The following COL21A1 variants were observed in gnomAD, a reference collection of about 807,000 sequenced individuals.
The protein encoded by COL21A1 is collagen alpha-1(XXI) chain.
A neutral mutation model predicts 137.9 loss-of-function variants in COL21A1; 149 were observed. The ratio of observed to expected loss-of-function variants is 1.08; its 90% CI spans 0.95 to 1.24. The LOEUF is 1.24. Among genes scored for constraint, COL21A1 ranks in the 50% most tolerant of loss-of-function variants. The pLI, the probability that COL21A1 is intolerant of heterozygous loss-of-function variation, is 0.00. For missense variants in COL21A1, 1,167 were observed against 1,158.4 expected (o/e 1.01, Z -0.11); for synonymous variants, 456 against 391.5 (o/e 1.16, Z -1.95).
intron 1 of COL21A1, among the ~76,000 whole-genome samples, chr6:56,350,007 A>G (rs1765674958): frequency 6.6e-6 from 1 of 152,192 alleles, no homozygotes; most frequent in South Asian, 2.1e-4. Context: ...TCTGTAGCAG[A>G]CAGAGCAGTG....
intron 3 of COL21A1, among the ~76,000 whole-genome samples, chr6:56,172,252 G>A (rs191243665): frequency 4.1e-4 from 63 of 152,096 alleles, no homozygotes; most frequent in Admixed American, 3.7e-3. Flanking sequence ...AAAGTTAAAG[G>A]CAAAGATCAC....
intron 1 of COL21A1, among the ~76,000 whole-genome samples, chr6:56,357,911 C>A (rs1454240642): frequency 1.3e-5 from 2 of 152,114 alleles, no homozygotes; most frequent in African/African-American, 4.8e-5. Context: ...CTCAACAATT[C>A]TGAGTCAGAG....
intron 1 of COL21A1, among the ~76,000 whole-genome samples, chr6:56,385,018 T>C (rs2152352660): frequency 6.6e-6 from 1 of 152,178 alleles, no homozygotes; most frequent in Non-Finnish European, 1.5e-5. Flanking sequence ...AGAGGAGCAG[T>C]CTCAACTGAG....
chr6:56,098,568 T>TATATATAA (rs1769990383), intron 17 of COL21A1, among the ~76,000 whole-genome samples: 1 of 14,678 alleles, frequency 6.8e-5, no homozygotes, highest in African/African-American at 3.0e-4. Flanking sequence ...AATATATAAA[T>TATATATAA]ATATATAAAT....
chr6:56,224,298 C>T (rs1451156187), intron 1 of COL21A1, among the ~76,000 whole-genome samples: 1 of 152,084 alleles, frequency 6.6e-6, no homozygotes, highest in Non-Finnish European at 1.5e-5. Context: ...AGTTAGCTTG[C>T]AAGTAGGGTA....
At chr6:56,387,913 A>C (rs1167209102) in intron 1 of COL21A1, among the ~76,000 whole-genome samples, 1 of 152,176 alleles carries the variant, frequency 6.6e-6, no homozygotes, top group Non-Finnish European at 1.5e-5. Context: ...CCTGGGGTAC[A>C]CATGACCCAG....
chr6:56,234,955 G>T (rs894497103), intron 1 of COL21A1, among the ~76,000 whole-genome samples: 11 of 151,606 alleles, frequency 7.3e-5, no homozygotes, highest in African/African-American at 2.7e-4. Context: ...TCCACTCAAG[G>T]ACTTCAGTTC....
At chr6:56,393,323 T>A (rs1169620527) in intron 1 of COL21A1, among the ~76,000 whole-genome samples, 1 of 152,178 alleles carries the variant, frequency 6.6e-6, no homozygotes, top group Non-Finnish European at 1.5e-5. Flanking sequence ...TGACCCCATC[T>A]CTTTCGATGT....
intron 3 of COL21A1, among the ~76,000 whole-genome samples, chr6:56,177,909 GAC>G (rs1276026450): frequency 6.6e-6 from 1 of 151,108 alleles, no homozygotes; most frequent in Non-Finnish European, 1.5e-5. Flanking sequence ...GAACTGATTA[GAC>G]ACATAAATTA....
At chr6:56,122,458 G>A (rs2764051) in intron 16 of COL21A1, among the ~76,000 whole-genome samples, 25,871 of 151,894 alleles carry the variant, frequency 0.17, 2,290 homozygotes, top group African/African-American at 0.23. Context: ...GACTACAGGC[G>A]TCCACCACCA....
chr6:56,187,207 G>A (rs1778361878), intron 1 of COL21A1, among the ~76,000 whole-genome samples: 1 of 152,152 alleles, frequency 6.6e-6, no homozygotes. Context: ...AGGGGGCTCA[G>A]GAGAGAGAAC....
chr6:56,072,114 C>T (rs1766805966), intron 20 of COL21A1, among the ~76,000 whole-genome samples: 1 of 151,548 alleles, frequency 6.6e-6, no homozygotes, highest in Non-Finnish European at 1.5e-5. Context: ...AGGATAATGA[C>T]TTCCAGCTGT....
chr6:56,316,410 T>C (rs1764735726), intron 1 of COL21A1, among the ~76,000 whole-genome samples: 2 of 151,476 alleles, frequency 1.3e-5, no homozygotes, highest in Non-Finnish European at 2.9e-5. Context: ...AGTCAAATTA[T>C]AATTTTATTA....
intron 1 of COL21A1, among the ~76,000 whole-genome samples, chr6:56,259,171 T>G (rs4119565): frequency 0.24 from 36,773 of 151,934 alleles, 4,710 homozygotes; most frequent in Non-Finnish European, 0.29. Flanking sequence ...GAATAATGAG[T>G]TCTAGCATCC....
At chr6:56,352,947 A>G (rs548159643) in intron 1 of COL21A1, among the ~76,000 whole-genome samples, 189 of 152,318 alleles carry the variant, frequency 1.2e-3, no homozygotes, top group African/African-American at 4.4e-3. Context: ...AGGCTGAGGC[A>G]GGAGAATCAC....
chr6:56,150,514 TCACACACACACACA>T (rs747022399), intron 10 of COL21A1, among the ~76,000 whole-genome samples: 38 of 46,186 alleles, frequency 8.2e-4, no homozygotes, highest in Admixed American at 2.3e-3. Flanking sequence ...CGAGACTCCA[TCACACACACACACA>T]CACACACACA....
intron 1 of COL21A1, among the ~76,000 whole-genome samples, chr6:56,202,533 T>A (rs1319524438): frequency 5.3e-5 from 8 of 152,200 alleles, no homozygotes; most frequent in Admixed American, 5.2e-4. Context: ...ACTTCCAGCA[T>A]CTCTTCTATC....
chr6:56,203,097 T>C (rs1779518037), intron 1 of COL21A1, among the ~76,000 whole-genome samples: 1 of 152,214 alleles, frequency 6.6e-6, no homozygotes, highest in South Asian at 2.1e-4. Context: ...TCAAAATATT[T>C]TATTTTACTG....
chr6:56,226,050 C>G (rs569613058), intron 1 of COL21A1: 1 of 152,142 alleles, frequency 6.6e-6, no homozygotes, highest in East Asian at 1.9e-4. Flanking sequence ...AAATATTCTT[C>G]CCAAGAATAA....
Sources: gnomAD v4.1 joint callset for allele counts (sites outside exome capture counted in the v4.1 genomes callset) on GRCh38, gnomAD v4.1.1 for gene constraint, MANE v1.5 for transcripts, NCBI Gene and HGNC (gene_info 2026-07-23, HGNC 2026-07-21) for gene names.